Variants in EFNA5 observed in about 807,000 individuals in gnomAD.
The protein encoded by EFNA5 is ephrin A5.
Under a neutral mutation model 22.9 loss-of-function variants are expected in EFNA5, and 5 were observed. The ratio of observed to expected loss-of-function variants is 0.22; its 90% confidence interval spans 0.11 to 0.46. The LOEUF (loss-of-function observed/expected upper bound fraction) is 0.46. Ranked by LOEUF, EFNA5 falls within the 20% of genes least tolerant of loss-of-function variation. EFNA5 has a pLI of 0.99. For missense variants in EFNA5, 237 were observed against 293.3 expected, an observed-to-expected ratio of 0.81 and a Z score of 1.40; for synonymous variants, 113 against 112.2, an observed-to-expected ratio of 1.01 and a Z score of -0.04.
At chr5:107,455,154 T>C (rs902782724) in intron 1 of EFNA5, among the ~76,000 whole-genome samples, 2 of 152,198 alleles carry the variant, frequency 1.3e-5, no homozygotes, top group Admixed American at 6.5e-5. Context: ...CCTGTCAGTG[T>C]CAACGAGGTT....
At chr5:107,623,857 A>C (rs1270882957) in intron 1 of EFNA5, among the ~76,000 whole-genome samples, 2 of 152,192 alleles carry the variant, frequency 1.3e-5, no homozygotes, top group Non-Finnish European at 2.9e-5. Flanking sequence ...ATAGGATTTT[A>C]AAAATTCATT....
rs532015953 is a variant in EFNA5, at chr5:107,587,286, G to A, written c.125+83203C>T. Among the ~76,000 whole-genome samples the A allele has an allele frequency of 1.6e-3, 250 of 152,198 alleles. 2 individuals carry two copies. Among genetic ancestry groups the A allele is most frequent in the African/African-American group, 5.8e-3 (243 of 41,540 alleles). On this transcript the variant is annotated intron_variant, in intron 1 of 4. Coordinates refer to ENST00000333274, the MANE Select transcript of EFNA5 (RefSeq NM_001962.3). ...TTCTTATCCTAGAGAAGTAGTAAAA[G>A]TGGAAGCCTCTTGGCCTCCAAAGAA...
intron 1 of EFNA5, among the ~76,000 whole-genome samples, chr5:107,476,057 T>TATATATATATATATATATATATATATGTA: frequency 4.0e-5 from 4 of 100,426 alleles, no homozygotes; most frequent in African/African-American, 1.5e-4. Flanking sequence ...TATATATATA[T>TATATATATATATATATATATATATATGTA]TTTTTTTTTT....
At chr5:107,451,128 G>C (rs1474310202) in intron 1 of EFNA5, among the ~76,000 whole-genome samples, 1 of 152,184 alleles carries the variant, frequency 6.6e-6, no homozygotes, top group Non-Finnish European at 1.5e-5. Context: ...CCTATTCTCT[G>C]ATATTCATCA....
In EFNA5 at chr5:107,670,821, G is replaced by A. The variant is rs1751184670; in HGVS notation, c.-208C>T. The A allele has an allele frequency of 1.6e-6, 1 of 629,152 alleles. No individual in the cohort carries two copies. The highest frequency in any genetic ancestry group is 2.7e-6 in the Non-Finnish European group (1 of 373,038). The allele number at this position is 629,152 out of a possible 1,614,324, so 39.0% of individuals were successfully genotyped here. A position where few individuals can be genotyped will look rare whatever the true frequency, so the allele number is the denominator to read the frequency against. ...GAGAAGAAAAGAAGGCGGTGGGATG[G>A]GGGGTGATAAAGACAAACTCGCACC... On this transcript the variant is annotated 5_prime_UTR_variant, in exon 1 of 5. Transcript: ENST00000333274.
At chr5:107,664,297 T>G (rs923662626) in intron 1 of EFNA5, among the ~76,000 whole-genome samples, 4 of 152,114 alleles carry the variant, frequency 2.6e-5, no homozygotes, top group East Asian at 3.9e-4. Context: ...GATTAATTTT[T>G]AATTTTAAGC....
intron 1 of EFNA5, among the ~76,000 whole-genome samples, chr5:107,625,301 G>A (rs1160245096): frequency 6.6e-6 from 1 of 151,970 alleles, no homozygotes; most frequent in Admixed American, 6.6e-5. Flanking sequence ...TTTTGAGATT[G>A]TCTATGCATT....
At chr5:107,606,706 C>T (rs547896042) in intron 1 of EFNA5, among the ~76,000 whole-genome samples, 34 of 152,176 alleles carry the variant, frequency 2.2e-4, no homozygotes, top group African/African-American at 8.2e-4. Context: ...GATGATAATT[C>T]CTGCCTCATA....
At chr5:107,542,329 C>T (rs561824785) in intron 1 of EFNA5, among the ~76,000 whole-genome samples, 1 of 152,220 alleles carries the variant, frequency 6.6e-6, no homozygotes, top group Non-Finnish European at 1.5e-5. Context: ...AGTTCCATTT[C>T]TCTGGTCCTA....
chr5:107,395,905 G>T (rs1747911213), intron 2 of EFNA5, among the ~76,000 whole-genome samples: 1 of 152,108 alleles, frequency 6.6e-6, no homozygotes, highest in African/African-American at 2.4e-5. Flanking sequence ...CCCACAAGAG[G>T]AACTATTTAT....
At chr5:107,591,642 G>A (rs1749327251) in intron 1 of EFNA5, among the ~76,000 whole-genome samples, 1 of 149,878 alleles carries the variant, frequency 6.7e-6, no homozygotes, top group Non-Finnish European at 1.5e-5. Context: ...CCAACATGGT[G>A]AAACCTGGTC....
intron 2 of EFNA5, among the ~76,000 whole-genome samples, chr5:107,400,970 T>C (rs1290595803): frequency 6.6e-6 from 1 of 152,212 alleles, no homozygotes; most frequent in African/African-American, 2.4e-5. Context: ...AATGCACAGA[T>C]GGATAACAAA....
chr5:107,424,181 T>A (rs1748743670), intron 2 of EFNA5, among the ~76,000 whole-genome samples: 3 of 151,166 alleles, frequency 2.0e-5, no homozygotes, highest in Admixed American at 2.0e-4. Context: ...GCTATAGCTT[T>A]CTTTTTTCTT....
In EFNA5 at chr5:107,442,019, C is replaced by T. The variant is rs183935351; in HGVS notation, c.126-14510G>A. Among the ~76,000 whole-genome samples, 186 of 152,246 alleles carry T rather than the reference C, an allele frequency of 1.2e-3. 2 individuals carry two copies. Among genetic ancestry groups the T allele is most frequent in the African/African-American group, 4.4e-3 (181 of 41,552 alleles). On this transcript the variant is annotated intron_variant, in intron 1 of 4. Transcript: ENST00000333274. ...TACTAGAGTTGAGAGCAACAAAATC[C>T]TAACTCACCACTCCTTGAAAACACC...
chr5:107,660,015 C>A (rs1286574102), intron 1 of EFNA5, among the ~76,000 whole-genome samples: 1 of 151,574 alleles, frequency 6.6e-6, no homozygotes, highest in Admixed American at 6.6e-5. Context: ...CATATACCCA[C>A]CCCCTCAACA....
At chr5:107,606,888 T>A (rs1165578619) in intron 1 of EFNA5, among the ~76,000 whole-genome samples, 1 of 152,154 alleles carries the variant, frequency 6.6e-6, no homozygotes, top group Non-Finnish European at 1.5e-5. Flanking sequence ...AGCGCCCTAA[T>A]TTTTTTCTCT....
At chr5:107,552,793 C>G (rs1748326503) in intron 1 of EFNA5, among the ~76,000 whole-genome samples, 1 of 152,162 alleles carries the variant, frequency 6.6e-6, no homozygotes, top group Non-Finnish European at 1.5e-5. Flanking sequence ...ATATTGCAAA[C>G]AGCTATCTAT....
At chr5:107,429,688 C>T (rs252806) in intron 1 of EFNA5, among the ~76,000 whole-genome samples, 76,975 of 151,952 alleles carry the variant, frequency 0.51, 20,522 homozygotes, top group Non-Finnish European at 0.6. Context: ...GCCTTGCTGG[C>T]CTCTGGTGGC....
At chr5:107,469,888 T>G (rs771398380) in intron 1 of EFNA5, among the ~76,000 whole-genome samples, 7 of 152,206 alleles carry the variant, frequency 4.6e-5, no homozygotes, top group Admixed American at 1.3e-4. Flanking sequence ...AAGCTTCAAA[T>G]TATTCTCTTT....
Sources: gnomAD v4.1 joint callset for allele counts (sites outside exome capture counted in the v4.1 genomes callset) on GRCh38, gnomAD v4.1.1 for gene constraint, MANE v1.5 for transcripts, NCBI Gene and HGNC (gene_info 2026-07-23, HGNC 2026-07-21) for gene names.